The following CACNA1E variants were observed in gnomAD, a reference collection of about 807,000 sequenced individuals.
CACNA1E encodes the protein calcium voltage-gated channel subunit alpha1 E.
CACNA1E carries 40 observed loss-of-function variants against 259.2 expected under a neutral mutation model. The ratio of observed to expected loss-of-function variants is 0.15; its 90% CI spans 0.12 to 0.20. The LOEUF is 0.20. Among genes scored for constraint, CACNA1E ranks in the 10% least tolerant of loss-of-function variants. CACNA1E has a pLI of 1.00. For missense variants in CACNA1E, 1,874 were observed against 3,040.1 expected, an observed-to-expected ratio of 0.62 and a Z score of 9.02; for synonymous variants, 1,104 against 1,138.5, an observed-to-expected ratio of 0.97 and a Z score of 0.61.
At chr1:181,587,562 G>T (rs1183183283) in intron 6 of CACNA1E, among the ~76,000 whole-genome samples, 2 of 152,144 alleles carry the variant, frequency 1.3e-5, no homozygotes, top group Non-Finnish European at 2.9e-5. Context: ...AGGGAGGAGA[G>T]AACGTGGATT....
intron 7 of CACNA1E, among the ~76,000 whole-genome samples, chr1:181,698,302 T>C (rs964680461): frequency 1.3e-5 from 2 of 152,242 alleles, no homozygotes; most frequent in Non-Finnish European, 2.9e-5. Context: ...AGTTGTCAAC[T>C]GACAGTACTT....
intron 17 of CACNA1E, 71 bp downstream of exon 17, chr1:181,724,608 C>A (rs1468911448): frequency 5.6e-6 from 7 of 1,252,238 alleles, no homozygotes; most frequent in Admixed American, 3.9e-5. Flanking sequence ...TTGGAACTCT[C>A]TCCCAAAGTC....
At chr1:181,677,017 C>T (rs527539097) in intron 7 of CACNA1E, among the ~76,000 whole-genome samples, 1 of 152,078 alleles carries the variant, frequency 6.6e-6, no homozygotes, top group Admixed American at 6.6e-5. Context: ...TGGCTGTGCT[C>T]CTCTCAGCTT....
At position 181,805,937 on chromosome 1, in the gene CACNA1E, G is replaced by A. The variant is rs965629202; in HGVS notation, c.*7103G>A. 1.1e-4 allele frequency: 17 copies of A among 152,212 alleles called. No homozygotes were observed. Among genetic ancestry groups the A allele is most frequent in the African/African-American group, 4.1e-4 (17 of 41,452 alleles). 9.4% of individuals were successfully genotyped at this position (152,212 alleles called of 1,614,324 possible). On this transcript the variant is annotated 3_prime_UTR_variant, in exon 48 of 48. Transcript: ENST00000367573. ...CAGACGAGGACAGACTTAGAGATGTGTAACCTTGGATCCTCTTTTTCACTT... is the reference window on the plus strand; with the variant it reads ...CAGACGAGGACAGACTTAGAGATGTATAACCTTGGATCCTCTTTTTCACTT...
At chr1:181,530,752 G>T (rs1667721433) in intron 3 of CACNA1E, among the ~76,000 whole-genome samples, 1 of 152,198 alleles carries the variant, frequency 6.6e-6, no homozygotes. Flanking sequence ...GTCATGAGGG[G>T]CACCATATGC....
At chr1:181,407,373 G>A (rs1201861903) in intron 1 of CACNA1E, among the ~76,000 whole-genome samples, 1 of 152,144 alleles carries the variant, frequency 6.6e-6, no homozygotes, top group Non-Finnish European at 1.5e-5. Flanking sequence ...TTAGCAACCT[G>A]ACTCATCCAG....
intron 3 of CACNA1E, among the ~76,000 whole-genome samples, chr1:181,534,338 A>G (rs1044885699): frequency 1.3e-5 from 2 of 152,158 alleles, no homozygotes; most frequent in Non-Finnish European, 2.9e-5. Context: ...CTGAGTTAAA[A>G]GTTTAGTACT....
intron 44 of CACNA1E, among the ~76,000 whole-genome samples, chr1:181,792,958 A>G (rs1661458159): frequency 6.6e-6 from 1 of 151,916 alleles, no homozygotes; most frequent in African/African-American, 2.4e-5. Flanking sequence ...ATAAAATATA[A>G]ACTATCTAAT....
chr1:181,718,431 C>T (rs921314251), intron 12 of CACNA1E, among the ~76,000 whole-genome samples: 10 of 151,652 alleles, frequency 6.6e-5, no homozygotes, highest in African/African-American at 1.9e-4. Context: ...TGTATAGCTC[C>T]GTGAGAGTTT....
intron 1 of CACNA1E, among the ~76,000 whole-genome samples, chr1:181,390,306 T>TTTATTTA (rs1656167706): frequency 8.2e-6 from 1 of 122,306 alleles, no homozygotes; most frequent in Admixed American, 8.7e-5. Flanking sequence ...AGACACCTTA[T>TTTATTTA]TTATTTATTT....
intron 3 of CACNA1E, among the ~76,000 whole-genome samples, chr1:181,572,075 A>T (rs1023997148): frequency 2.0e-5 from 3 of 152,320 alleles, no homozygotes; most frequent in East Asian, 3.8e-4. Context: ...GGTGTCCTGC[A>T]TTTTGGCTGG....
In CACNA1E at chr1:181,798,906, G is replaced by A. The variant is rs566626693; in HGVS notation, c.*72G>A. On this transcript the variant is annotated 3_prime_UTR_variant, in exon 48 of 48. Transcript: ENST00000367573. This position sits in a 1 kb window ranked among gnomAD's most constrained non-coding sequence, Gnocchi z 4.2. ...ACCAAGACAGAATTGGGAAGCCAGTGCGGCCCGGGGGGGAGGAAGAGGGAA... is the reference window on the plus strand; with the variant it reads ...ACCAAGACAGAATTGGGAAGCCAGTACGGCCCGGGGGGGAGGAAGAGGGAA... 1.5e-6 allele frequency: 2 copies of A among 1,366,178 alleles called. No homozygotes were observed. Among genetic ancestry groups the A allele is most frequent in the Admixed American group, 2.8e-5 (1 of 35,844 alleles). The allele number at this position is 1,366,178 out of a possible 1,614,324, so 84.6% of individuals were successfully genotyped here. A position where few individuals can be genotyped will look rare whatever the true frequency, so the allele number is the denominator to read the frequency against.
Position 181,803,581 on chromosome 1 carries a change from G to A in CACNA1E, c.*4747G>A, listed in dbSNP as rs571335070. On this transcript the variant is annotated 3_prime_UTR_variant, in exon 48 of 48. Transcript: ENST00000367573. ...GCTGATGGCTTCTCTGCTGTCTGTG[G>A]AGGGAGGGCTCGGCTGCAGACCTAT... 6.6e-6 allele frequency: 1 copy of A among 152,378 alleles called. No individual in the cohort carries two copies. Among genetic ancestry groups the A allele is most frequent in the East Asian group, 1.9e-4 (1 of 5,184 alleles). The allele number at this position is 152,378 out of a possible 1,614,324, so 9.4% of individuals were successfully genotyped here. A position where few individuals can be genotyped will look rare whatever the true frequency, so the allele number is the denominator to read the frequency against.
rs773759570 is a variant in CACNA1E, at chr1:181,783,822, T to A, written c.5470+38T>A. 4 of 1,330,366 alleles carry A rather than the reference T, an allele frequency of 3.0e-6. No homozygotes were observed. The South Asian group carries it at 4.7e-5, about 16-fold the overall frequency. The allele number at this position is 1,330,366 out of a possible 1,614,324, so 82.4% of individuals were successfully genotyped here. Reference sequence around the variant, plus strand: ...TAGGAAGGGAGGTGGGAAGGAGGAATTCTGGAACAACTCATGCAGGTGGCA... The same window carrying A: ...TAGGAAGGGAGGTGGGAAGGAGGAAATCTGGAACAACTCATGCAGGTGGCA... On this transcript the variant is annotated intron_variant, in intron 40 of 47. Transcript: ENST00000367573.
chr1:181,547,852 TC>T, intron 3 of CACNA1E, among the ~76,000 whole-genome samples: 2 of 152,326 alleles, frequency 1.3e-5, no homozygotes, highest in South Asian at 4.1e-4. Context: ...GCTAATTACC[TC>T]ATACATAGAA....
At chr1:181,508,464 T>C (rs1210202042) in intron 1 of CACNA1E, among the ~76,000 whole-genome samples, 1 of 152,270 alleles carries the variant, frequency 6.6e-6, no homozygotes, top group East Asian at 1.9e-4. Context: ...CCATTGCTGC[T>C]GGGTTCCCAT....
chr1:181,517,956 A>T (rs1666715936), intron 3 of CACNA1E, among the ~76,000 whole-genome samples: 1 of 152,234 alleles, frequency 6.6e-6, no homozygotes, highest in South Asian at 2.1e-4. Flanking sequence ...CTGTGGTAAT[A>T]GTATGATATC....
intron 39 of CACNA1E, among the ~76,000 whole-genome samples, chr1:181,782,544 A>G (rs751390436): frequency 5.9e-5 from 9 of 152,168 alleles, no homozygotes; most frequent in Non-Finnish European, 8.8e-5. Context: ...CTGGCTTTCC[A>G]CTCTAAGACA....
Position 181,732,616 on chromosome 1 carries a change from A to G in CACNA1E, c.2530A>G (p.Lys844Glu), listed in dbSNP as rs760922288. The change falls in exon 20 of 48, where the codon AAG (lysine) becomes GAG (glutamate). Residue 844 changes from lysine to glutamate, a missense_variant. Transcript: ENST00000367573. This position sits in a 1 kb window ranked among gnomAD's most constrained non-coding sequence, Gnocchi z 5.5. ...EGLALGLALE[K>E]FEEERISRGG... ...CCTGGCCCTGGGCCTGGCCCTGGAG[A>G]AGTTCGAGGAGGAGCGCATCAGCCG... 1 of 1,486,936 alleles carries G rather than the reference A, an allele frequency of 6.7e-7. No homozygotes were observed. The allele number at this position is 1,486,936 out of a possible 1,614,324, so 92.1% of individuals were successfully genotyped here.
Sources: gnomAD v4.1 joint callset for allele counts (sites outside exome capture counted in the v4.1 genomes callset) on GRCh38, gnomAD v4.1.1 for gene constraint, Gnocchi (gnomAD v3.1) non-coding constraint, MANE v1.5 for transcripts, NCBI Gene and HGNC (gene_info 2026-07-23, HGNC 2026-07-21) for gene names.